TSHZ2: variants seen among roughly 807,000 people sequenced by gnomAD.
The protein encoded by TSHZ2 is teashirt zinc finger homeobox 2.
In TSHZ2, 21 loss-of-function variants were observed where a neutral mutation model predicts 74.4. That is an observed-to-expected ratio of 0.28 (90% CI 0.20 to 0.41). The LOEUF is 0.41. Ranked by LOEUF, TSHZ2 falls within the 10% of genes least tolerant of loss-of-function variation. The pLI is 1.00. For missense variants in TSHZ2, 1,244 were observed against 1,293.5 expected, an observed-to-expected ratio of 0.96 and a Z score of 0.59; for synonymous variants, 540 against 515.3, an observed-to-expected ratio of 1.05 and a Z score of -0.65.
intron 2 of TSHZ2, among the ~76,000 whole-genome samples, chr20:53,304,970 C>G (rs1419188713): frequency 1.4e-5 from 2 of 141,536 alleles, no homozygotes; most frequent in Admixed American, 7.5e-5. Context: ...GAGTCTTGCT[C>G]TGTCGCCCAG....
rs561933206 is a variant in TSHZ2, at chr20:53,296,383, A to G, written c.*8+39812A>G. ...AAAAGATTGCAATCTATCCTATTGC[A>G]TGATCACCCAACATTCAATATGCTG... On this transcript the variant is annotated intron_variant, in intron 2 of 2. Coordinates refer to ENST00000371497, the MANE Select transcript of TSHZ2 (RefSeq NM_173485.6). Among the ~76,000 whole-genome samples the G allele has an allele frequency of 2.0e-4, 30 of 152,360 alleles. No individual in the cohort carries two copies. The South Asian group carries it at 6.0e-3, about 31-fold the overall frequency.
chr20:53,355,024 T>C (rs1980793068), intron 2 of TSHZ2, among the ~76,000 whole-genome samples: 1 of 152,216 alleles, frequency 6.6e-6, no homozygotes, highest in African/African-American at 2.4e-5. Flanking sequence ...CTAAAAATTG[T>C]TCAATAGAAT....
chr20:53,072,981 C>T (rs1458227556), intron 1 of TSHZ2, among the ~76,000 whole-genome samples: 4 of 150,946 alleles, frequency 2.6e-5, no homozygotes, highest in Non-Finnish European at 3.0e-5. Flanking sequence ...CTCCATCCAT[C>T]CCTCCCTTCA....
intron 2 of TSHZ2, among the ~76,000 whole-genome samples, chr20:53,404,058 G>C (rs1455806358): frequency 6.6e-6 from 1 of 152,144 alleles, no homozygotes; most frequent in African/African-American, 2.4e-5. Context: ...AATATGACCT[G>C]GCCCTGACTT....
At chr20:53,368,116 A>G (rs1307058860) in intron 2 of TSHZ2, among the ~76,000 whole-genome samples, 1 of 152,016 alleles carries the variant, frequency 6.6e-6, no homozygotes, top group Non-Finnish European at 1.5e-5. Flanking sequence ...TGCCACAAGG[A>G]CTGCCATCTG....
intron 1 of TSHZ2, among the ~76,000 whole-genome samples, chr20:53,010,816 A>G (rs939119931): frequency 7.2e-5 from 11 of 152,160 alleles, no homozygotes; most frequent in Non-Finnish European, 1.3e-4. Flanking sequence ...CCAAATTGCT[A>G]TTAATATTTT....
At chr20:53,279,664 G>A (rs1176558082) in intron 2 of TSHZ2, among the ~76,000 whole-genome samples, 4 of 152,144 alleles carry the variant, frequency 2.6e-5, no homozygotes, top group African/African-American at 4.8e-5. Flanking sequence ...ATACAGCAAT[G>A]AACAAAATGA....
intron 1 of TSHZ2, among the ~76,000 whole-genome samples, chr20:53,135,463 C>T (rs1987222785): frequency 6.6e-6 from 1 of 152,192 alleles, no homozygotes; most frequent in Non-Finnish European, 1.5e-5. Context: ...GAGTTGCTGC[C>T]TGCACCTGCC....
intron 2 of TSHZ2, chr20:53,461,631 T>A (rs1985376471): frequency 6.6e-6 from 1 of 152,090 alleles, no homozygotes; most frequent in African/African-American, 2.4e-5. Flanking sequence ...ATAAAACAGA[T>A]GAATATAAAT....
intron 2 of TSHZ2, among the ~76,000 whole-genome samples, chr20:53,278,522 C>T (rs1990989656): frequency 1.3e-5 from 2 of 152,182 alleles, no homozygotes; most frequent in African/African-American, 4.8e-5. Flanking sequence ...CTTCAGTTCT[C>T]ATCTCTACTT....
chr20:53,392,324 A>T (rs1982286176), intron 2 of TSHZ2, among the ~76,000 whole-genome samples: 1 of 152,084 alleles, frequency 6.6e-6, no homozygotes, highest in Admixed American at 6.6e-5. Flanking sequence ...CATGCCTGTA[A>T]TCCCAGCTAC....
chr20:53,026,715 C>T lies in TSHZ2; in HGVS notation c.40+53382C>T, dbSNP rs375933080. On this transcript the variant is annotated intron_variant, in intron 1 of 2. Coordinates refer to ENST00000371497, the MANE Select transcript of TSHZ2 (RefSeq NM_173485.6). ...GCTTTGTCTTTCTGTACATTTAATG[C>T]CTTTTTAACAAAATATTATTATACT... Among the ~76,000 whole-genome samples the T allele has an allele frequency of 1.0e-3, 154 of 152,150 alleles. 1 individual carries two copies. The Middle Eastern group carries it at 0.014, about 13-fold the overall frequency.
chr20:53,416,595 T>G (rs185707902), intron 2 of TSHZ2, among the ~76,000 whole-genome samples: 32 of 152,364 alleles, frequency 2.1e-4, no homozygotes, highest in African/African-American at 7.7e-4. Context: ...GCCTTAACTC[T>G]GCAATGGCTT....
chr20:53,433,160 G>T (rs1463067934), intron 2 of TSHZ2, among the ~76,000 whole-genome samples: 1 of 152,160 alleles, frequency 6.6e-6, no homozygotes, highest in African/African-American at 2.4e-5. Context: ...ATCCTTAGCT[G>T]CAAGATGCTG....
At chr20:53,052,693 C>G (rs1415855145) in intron 1 of TSHZ2, among the ~76,000 whole-genome samples, 1 of 152,140 alleles carries the variant, frequency 6.6e-6, no homozygotes, top group Non-Finnish European at 1.5e-5. Context: ...AGTCATTCAT[C>G]TGTTGATGGA....
intron 1 of TSHZ2, among the ~76,000 whole-genome samples, chr20:53,032,263 C>T (rs886180744): frequency 2.6e-5 from 4 of 152,192 alleles, no homozygotes; most frequent in South Asian, 2.1e-4. Context: ...TTATAGCTGA[C>T]GAGTTCTATA....
At chr20:53,233,811 A>G (rs916841845) in intron 1 of TSHZ2, among the ~76,000 whole-genome samples, 1 of 152,222 alleles carries the variant, frequency 6.6e-6, no homozygotes, top group African/African-American at 2.4e-5. Context: ...AGAAGAGTAT[A>G]TGTCAGACTC....
chr20:52,996,660 G>A (rs1288028143), intron 1 of TSHZ2, among the ~76,000 whole-genome samples: 2 of 152,162 alleles, frequency 1.3e-5, no homozygotes, highest in Non-Finnish European at 2.9e-5. Context: ...CATATATTGT[G>A]CGTTTGAGCT....
At chr20:53,020,809 T>A (rs1206419708) in intron 1 of TSHZ2, among the ~76,000 whole-genome samples, 2 of 152,182 alleles carry the variant, frequency 1.3e-5, no homozygotes, top group Non-Finnish European at 2.9e-5. Context: ...TGTATCTCTG[T>A]CTTCTACCTG....
Sources: allele counts gnomAD v4.1 joint callset (sites outside exome capture counted in the v4.1 genomes callset), GRCh38; gene constraint gnomAD v4.1.1; transcripts MANE v1.5; gene names NCBI Gene and HGNC (gene_info 2026-07-23, HGNC 2026-07-21).